ANKRD45: variants seen among roughly 807,000 people sequenced by gnomAD.
The protein encoded by ANKRD45 is ankyrin repeat domain 45.
Under a neutral mutation model 28.1 loss-of-function variants are expected in ANKRD45, and 21 were observed. The observed-to-expected ratio is 0.75, with a 90% CI of 0.53 to 1.08. The LOEUF (loss-of-function observed/expected upper bound fraction) is 1.08, where lower values mean the gene tolerates loss of function less well. Ranked by LOEUF, ANKRD45 falls within the 50% of genes least tolerant of loss-of-function variation. The pLI is 0.00. For missense variants in ANKRD45, 261 were observed against 308.7 expected, an observed-to-expected ratio of 0.85 and a Z score of 1.16; for synonymous variants, 86 against 103.9, an observed-to-expected ratio of 0.83 and a Z score of 1.05.
chr1:173,643,733 A>C (rs976425640), intron 3 of ANKRD45, among the ~76,000 whole-genome samples: 3 of 152,150 alleles, frequency 2.0e-5, no homozygotes, highest in Non-Finnish European at 4.4e-5. Context: ...ATTTGACTTA[A>C]AGTATCTTGA....
intron 1 of ANKRD45, among the ~76,000 whole-genome samples, chr1:173,664,607 C>T (rs147681446): frequency 3.2e-4 from 49 of 152,302 alleles, no homozygotes; most frequent in African/African-American, 1.1e-3. Flanking sequence ...CTTGAGTGTA[C>T]ACTGGCCTTT....
intron 1 of ANKRD45, among the ~76,000 whole-genome samples, chr1:173,666,974 C>T (rs754453480): frequency 6.6e-6 from 1 of 152,068 alleles, no homozygotes; most frequent in Non-Finnish European, 1.5e-5. Context: ...ATGCTGGTCT[C>T]AACCTCAAGT....
At chr1:173,662,870 G>A (rs1245481983) in intron 1 of ANKRD45, among the ~76,000 whole-genome samples, 1 of 152,136 alleles carries the variant, frequency 6.6e-6, no homozygotes, top group Non-Finnish European at 1.5e-5. Context: ...CTGTGATAGA[G>A]GCAAGCAAGG....
intron 5 of ANKRD45, among the ~76,000 whole-genome samples, chr1:173,612,346 AG>A (rs1329348390): frequency 1.3e-5 from 2 of 151,532 alleles, no homozygotes; most frequent in African/African-American, 2.4e-5. Flanking sequence ...GAAGGAAGGA[AG>A]GAAGGAAGGA....
chr1:173,669,354 G>T, intron 1 of ANKRD45: 1 of 441,988 alleles, frequency 2.3e-6, no homozygotes, highest in South Asian at 1.6e-5. Context: ...TGTGATAGAG[G>T]AGTAGATCCT....
intron 5 of ANKRD45, among the ~76,000 whole-genome samples, chr1:173,617,542 C>A (rs987663271): frequency 6.6e-6 from 1 of 152,244 alleles, no homozygotes; most frequent in African/African-American, 2.4e-5. Flanking sequence ...TTAAATGGGA[C>A]CCCAATGCAT....
intron 2 of ANKRD45, among the ~76,000 whole-genome samples, chr1:173,648,861 C>G: frequency 6.6e-6 from 1 of 152,028 alleles, no homozygotes; most frequent in African/African-American, 2.4e-5. Context: ...TACTATTATC[C>G]TCATTTTTAT....
the ANKRD45 span, among the ~76,000 whole-genome samples, chr1:173,704,174 C>T: frequency 2.6e-5 from 4 of 152,260 alleles, no homozygotes; most frequent in African/African-American, 7.2e-5. Context: ...CTTCTCTAGG[C>T]TCAGAGGGTT....
chr1:173,644,435 A>G (rs1175974137), intron 3 of ANKRD45, among the ~76,000 whole-genome samples: 1 of 152,226 alleles, frequency 6.6e-6, no homozygotes, highest in Non-Finnish European at 1.5e-5. Context: ...ATGAAACTCC[A>G]ATATTAATTT....
the ANKRD45 span, among the ~76,000 whole-genome samples, chr1:173,700,691 A>G: frequency 2.1e-4 from 32 of 152,356 alleles, no homozygotes; most frequent in Middle Eastern, 6.8e-3. Context: ...TTTAAGACTT[A>G]AATGTTAGAC....
chr1:173,631,951 A>G (rs975330194), intron 3 of ANKRD45, among the ~76,000 whole-genome samples: 1 of 152,052 alleles, frequency 6.6e-6, no homozygotes, highest in Non-Finnish European at 1.5e-5. Context: ...GCAAGAGCAA[A>G]CCAAACCCAA....
In ANKRD45 at chr1:173,659,181, AATTTCT is replaced by A. The variant is rs746119047; in HGVS notation, c.232_237del (p.Arg78_Asn79del). The A allele has an allele frequency of 1.8e-5, 29 of 1,614,062 alleles. 1 individual carries two copies. The Middle Eastern group carries it at 2.0e-3, about 110-fold the overall frequency. On this transcript the variant is annotated inframe_deletion, in exon 2 of 6. Coordinates refer to ENST00000333279, the MANE Select transcript of ANKRD45 (RefSeq NM_198493.3). The stretch of plus-strand genomic sequence containing the variant: ...CCAGCCATGCAAGCTGCATACAACA[AATTTCT>A]CCCAACGATGTCTTCTTCTAAGAGA...
At chr1:173,675,390 A>G in the ANKRD45 span, 1 of 285,888 alleles carries the variant, frequency 3.5e-6, no homozygotes. Flanking sequence ...AGGCAGGTGG[A>G]TCACCTGAGG....
At chr1:173,629,554 AAGC>A (rs890067710) in intron 3 of ANKRD45, among the ~76,000 whole-genome samples, 2 of 152,054 alleles carry the variant, frequency 1.3e-5, no homozygotes, top group African/African-American at 4.8e-5. Flanking sequence ...AGAATTGATC[AAGC>A]AGAAGAAAGA....
intron 5 of ANKRD45, among the ~76,000 whole-genome samples, chr1:173,620,791 A>G (rs1667667505): frequency 6.6e-6 from 1 of 152,162 alleles, no homozygotes; most frequent in South Asian, 2.1e-4. Flanking sequence ...GCAGAAGACA[A>G]GAAATAATCA....
the ANKRD45 span, among the ~76,000 whole-genome samples, chr1:173,709,337 G>T: frequency 6.6e-6 from 1 of 152,190 alleles, no homozygotes; most frequent in Non-Finnish European, 1.5e-5. Flanking sequence ...TGCCATACAA[G>T]GCTTCTCACA....
intron 5 of ANKRD45, 134 bp downstream of exon 5, chr1:173,624,653 A>G: frequency 1.1e-6 from 1 of 882,496 alleles, no homozygotes; most frequent in East Asian, 2.7e-5. Context: ...GAACTATATC[A>G]TAGATTAGTG....
intron 5 of ANKRD45, among the ~76,000 whole-genome samples, chr1:173,610,547 C>G (rs1667100446): frequency 6.6e-6 from 1 of 152,088 alleles, no homozygotes; most frequent in East Asian, 1.9e-4. Flanking sequence ...CCATCAAGAT[C>G]TAACATTCTG....
chr1:173,686,310 A>T, the ANKRD45 span, among the ~76,000 whole-genome samples: 1 of 152,194 alleles, frequency 6.6e-6, no homozygotes, highest in African/African-American at 2.4e-5. Context: ...GGATAGATGA[A>T]AATTTAAAGT....
Sources: gnomAD v4.1 joint callset for allele counts (sites outside exome capture counted in the v4.1 genomes callset) on GRCh38, gnomAD v4.1.1 for gene constraint, MANE v1.5 for transcripts, NCBI Gene and HGNC (gene_info 2026-07-23, HGNC 2026-07-21) for gene names.